PCDH15: variants seen among roughly 807,000 people sequenced by gnomAD.
The protein encoded by PCDH15 is protocadherin-15.
A neutral mutation model predicts 178.5 loss-of-function variants in PCDH15; 129 were observed. The ratio of observed to expected loss-of-function variants is 0.72; its 90% CI spans 0.63 to 0.84. PCDH15 has a LOEUF of 0.84. PCDH15 is among the 40% of genes least tolerant of loss of function. The pLI, the probability that PCDH15 is intolerant of heterozygous loss-of-function variation, is 0.00. For synonymous variants in PCDH15, 800 were observed against 732.0 expected (o/e 1.09, Z -1.50); for missense variants, 2,230 against 2,099.9 (o/e 1.06, Z -1.21).
rs188885618 is a variant in PCDH15, at chr10:54,187,353, G to A, written c.1306-2085C>T. Among the ~76,000 whole-genome samples, 190 of 151,812 alleles carry A rather than the reference G, an allele frequency of 1.3e-3. 1 individual carries two copies. Among genetic ancestry groups the A allele is most frequent in the Non-Finnish European group, 4.3e-4 (29 of 67,762 alleles). ...AGCATTTTTGTGTGTCAAGTATTTCGATAATGCAATATTTCAATAAGTATT... is the reference window on the plus strand; with the variant it reads ...AGCATTTTTGTGTGTCAAGTATTTCAATAATGCAATATTTCAATAAGTATT... On this transcript the variant is annotated intron_variant, in intron 11 of 37. Transcript: ENST00000644397.
At chr10:54,110,858 C>A (rs2095009000) in intron 15 of PCDH15, among the ~76,000 whole-genome samples, 1 of 152,090 alleles carries the variant, frequency 6.6e-6, no homozygotes, top group Admixed American at 6.6e-5. Context: ...GTATTTGAAA[C>A]CACGAGACAT....
chr10:55,541,944 T>A (rs1186938392), intron 2 of PCDH15, among the ~76,000 whole-genome samples: 2 of 151,780 alleles, frequency 1.3e-5, no homozygotes, highest in African/African-American at 4.8e-5. Context: ...AATGAATTAA[T>A]TTATCTCAAT....
At chr10:54,534,812 A>G (rs183431125) in intron 2 of PCDH15, among the ~76,000 whole-genome samples, 156 of 152,334 alleles carry the variant, frequency 1.0e-3, no homozygotes, top group African/African-American at 3.6e-3. Context: ...TCTTTGGTAT[A>G]TTCATTTTCA....
intron 2 of PCDH15, among the ~76,000 whole-genome samples, chr10:55,466,437 T>C (rs1210365202): frequency 6.6e-6 from 1 of 152,208 alleles, no homozygotes; most frequent in Non-Finnish European, 1.5e-5. Context: ...GTTACATTTG[T>C]TAATCAATTA....
rs185659547 is a variant in PCDH15, at chr10:55,377,691, T to C, written c.-155-211040A>G. ...TTACCTGGTACTAACCTTTTACCAC[T>C]ATATATATTCTTTTATGCTTTTCAT... On this transcript the variant is annotated intron_variant, in intron 2 of 5. Transcript: ENST00000613346. Among the ~76,000 whole-genome samples, 568 of 152,234 alleles carry C rather than the reference T, an allele frequency of 3.7e-3. 4 individuals are homozygous for C. Among genetic ancestry groups the C allele is most frequent in the African/African-American group, 0.011 (472 of 41,550 alleles).
At chr10:53,860,437 C>G (rs1297075793) in intron 27 of PCDH15, among the ~76,000 whole-genome samples, 20 of 151,934 alleles carry the variant, frequency 1.3e-4, no homozygotes, top group African/African-American at 4.8e-5. Context: ...GTTACTTATT[C>G]AAAATACTTT....
chr10:55,337,374 A>G (rs1844422843), intron 2 of PCDH15, among the ~76,000 whole-genome samples: 1 of 152,166 alleles, frequency 6.6e-6, no homozygotes, highest in Non-Finnish European at 1.5e-5. Context: ...ATAAAAATGC[A>G]TTGCTGACCT....
At chr10:54,440,031 A>T (rs1180015816) in intron 3 of PCDH15, among the ~76,000 whole-genome samples, 1 of 152,048 alleles carries the variant, frequency 6.6e-6, no homozygotes, top group Non-Finnish European at 1.5e-5. Flanking sequence ...ATGAAATGAA[A>T]TTATAGTAAA....
intron 2 of PCDH15, among the ~76,000 whole-genome samples, chr10:55,150,085 G>T (rs7895697): frequency 1.0e-4 from 9 of 86,690 alleles, no homozygotes; most frequent in Non-Finnish European, 1.8e-4. Context: ...GGAGGGGAGG[G>T]GAGGAAAAGA....
intron 1 of PCDH15, among the ~76,000 whole-genome samples, chr10:54,759,989 A>G (rs1947665198): frequency 6.6e-6 from 1 of 152,194 alleles, no homozygotes; most frequent in Non-Finnish European, 1.5e-5. Context: ...GGCGAGTAAG[A>G]GTAGTCAGTT....
At chr10:55,080,257 C>T (rs1449970629) in intron 2 of PCDH15, among the ~76,000 whole-genome samples, 1 of 152,112 alleles carries the variant, frequency 6.6e-6, no homozygotes, top group East Asian at 1.9e-4. Context: ...GTAAGCATTA[C>T]CAGCTGAGCT....
intron 32 of PCDH15, chr10:53,825,103 C>A: frequency 1.3e-6 from 2 of 1,522,906 alleles, no homozygotes; most frequent in Non-Finnish European, 8.8e-7. Flanking sequence ...ATTTTTCTAA[C>A]GCTCTTCTAT....
At chr10:54,612,933 A>G (rs547061264) in intron 2 of PCDH15, among the ~76,000 whole-genome samples, 1 of 151,954 alleles carries the variant, frequency 6.6e-6, no homozygotes, top group South Asian at 2.1e-4. Flanking sequence ...AGATGAATAC[A>G]TAAGATAATA....
intron 3 of PCDH15, among the ~76,000 whole-genome samples, chr10:54,497,040 A>C (rs1218255859): frequency 6.6e-6 from 1 of 152,008 alleles, no homozygotes; most frequent in Non-Finnish European, 1.5e-5. Flanking sequence ...CACTTGTGGG[A>C]GTGTTACTGC....
chr10:54,746,896 T>C (rs2132901275), intron 1 of PCDH15, among the ~76,000 whole-genome samples: 1 of 152,346 alleles, frequency 6.6e-6, no homozygotes, highest in Non-Finnish European at 1.5e-5. Flanking sequence ...AGAGTACAGA[T>C]GGTCCCCAAC....
intron 2 of PCDH15, among the ~76,000 whole-genome samples, chr10:55,103,008 G>A (rs889651565): frequency 8.5e-5 from 13 of 152,090 alleles, no homozygotes; most frequent in Admixed American, 8.5e-4. Flanking sequence ...TGTCTCAGGT[G>A]TGGCAGAGGC....
At chr10:54,805,979 T>C (rs1196228943), upstream of PCDH15, among the ~76,000 whole-genome samples, 1 of 152,138 alleles carries the variant, frequency 6.6e-6, no homozygotes, top group Non-Finnish European at 1.5e-5. Context: ...TGAGATTAGG[T>C]ATTATAAAGT....
intron 17 of PCDH15, among the ~76,000 whole-genome samples, chr10:54,068,853 ATTTTC>A (rs1248894007): frequency 1.3e-5 from 2 of 151,558 alleles, no homozygotes; most frequent in African/African-American, 2.4e-5. Flanking sequence ...TGTGTGTTAT[ATTTTC>A]TTAAGATTAT....
intron 23 of PCDH15, among the ~76,000 whole-genome samples, chr10:53,945,757 G>A (rs993562487): frequency 6.7e-5 from 10 of 148,796 alleles, no homozygotes; most frequent in Non-Finnish European, 1.5e-4. Context: ...AGACAAAATA[G>A]AATACTAAAG....
Sources: gnomAD v4.1 joint callset for allele counts (sites outside exome capture counted in the v4.1 genomes callset) on GRCh38, gnomAD v4.1.1 for gene constraint, MANE v1.5 for transcripts, NCBI Gene and HGNC (gene_info 2026-07-23, HGNC 2026-07-21) for gene names.